The following INTS9 variants were observed in gnomAD, a reference collection of about 807,000 sequenced individuals.
INTS9 encodes the protein protein related to CPSF subunits of 74 kDa.
Under a neutral mutation model 79.7 loss-of-function variants are expected in INTS9, and 55 were observed. That is an observed-to-expected ratio of 0.69 (90% CI 0.56 to 0.86). The LOEUF is 0.86. Ranked by LOEUF, INTS9 falls within the 40% of genes least tolerant of loss-of-function variation. The pLI is 0.00. For missense variants in INTS9, 721 were observed against 831.5 expected (o/e 0.87, Z 1.64); for synonymous variants, 319 against 325.2 (o/e 0.98, Z 0.20).
At position 28,781,003 on chromosome 8, in the gene INTS9, T is replaced by C. The variant is rs749661745; in HGVS notation, c.1099-9A>G. 2 of 1,608,488 alleles carry C rather than the reference T, an allele frequency of 1.2e-6. No homozygotes were observed. The highest frequency in any genetic ancestry group is 1.3e-5 in the African/African-American group (1 of 74,572). On this transcript the variant is annotated splice_polypyrimidine_tract_variant and intron_variant, in intron 11 of 16. Coordinates refer to ENST00000521022, the MANE Select transcript of INTS9 (RefSeq NM_018250.4). ...TTATTGGTCTGAATGAGCTGGAAAA[T>C]ATAGAAAAAATACAAAGAAATGTGA...
intron 1 of INTS9, among the ~76,000 whole-genome samples, chr8:28,885,736 G>A (rs1297563945): frequency 6.6e-6 from 1 of 152,046 alleles, no homozygotes; most frequent in South Asian, 2.1e-4. Flanking sequence ...ATGTTCTTTC[G>A]GTAAGGACCT....
intron 6 of INTS9, among the ~76,000 whole-genome samples, chr8:28,827,670 ACAACCC>A (rs1806231401): frequency 6.6e-6 from 1 of 152,216 alleles, no homozygotes; most frequent in Non-Finnish European, 1.5e-5. Flanking sequence ...AAACTAGGTT[ACAACCC>A]CTGATGTTTA....
In INTS9 at chr8:28,777,896, C is replaced by G. The variant is rs1177808909; in HGVS notation, c.1328G>C (p.Cys443Ser). The change falls in exon 13 of 17, where the codon TGC becomes TCC. Residue 443 changes from cysteine to serine, a missense_variant. This residue lies in a region of INTS9 where 281 missense variants were observed against 300.8 expected (regional missense o/e 0.93). Coordinates refer to ENST00000521022, the MANE Select transcript of INTS9 (RefSeq NM_018250.4). ...CCGGGTGTCGATGGGGCAGTAGATG[C>G]ATTTCATGGCCAGCGGCTGGTAAGG... Reference protein sequence around the residue: ...LAPYQPLAMKCIYCPIDTRLN... With the variant: ...LAPYQPLAMKSIYCPIDTRLN... The G allele has an allele frequency of 1.2e-6, 2 of 1,612,758 alleles. No homozygotes were observed. The highest frequency in any genetic ancestry group is 1.7e-6 in the Non-Finnish European group (2 of 1,179,388).
chr8:28,791,678 G>T (rs573100015), intron 10 of INTS9, among the ~76,000 whole-genome samples: 1 of 152,284 alleles, frequency 6.6e-6, no homozygotes, highest in East Asian at 1.9e-4. Flanking sequence ...AGTGGTAAGA[G>T]GTTTACACAG....
chr8:28,856,442 GTCTC>G (rs142538325), intron 2 of INTS9, among the ~76,000 whole-genome samples: 5 of 150,898 alleles, frequency 3.3e-5, no homozygotes, highest in Admixed American at 6.6e-5. Context: ...TTGAGACACG[GTCTC>G]TCTCTCTCTC....
At chr8:28,820,560 C>G (rs1444316211) in intron 6 of INTS9, among the ~76,000 whole-genome samples, 1 of 152,170 alleles carries the variant, frequency 6.6e-6, no homozygotes, top group Non-Finnish European at 1.5e-5. Flanking sequence ...TTTGGCTGCC[C>G]TTAACATTTT....
chr8:28,795,583 T>C (rs969231073), intron 9 of INTS9, among the ~76,000 whole-genome samples: 1 of 137,688 alleles, frequency 7.3e-6, no homozygotes, highest in Non-Finnish European at 1.5e-5. Flanking sequence ...GAGGTTGCAG[T>C]GAGCCAAGAT....
intron 6 of INTS9, among the ~76,000 whole-genome samples, chr8:28,828,474 T>C (rs1422423523): frequency 1.3e-5 from 2 of 152,200 alleles, no homozygotes; most frequent in South Asian, 4.1e-4. Flanking sequence ...TCCTATTAAG[T>C]TGTTAATATC....
At chr8:28,832,916 T>C (rs755329580) in intron 6 of INTS9, among the ~76,000 whole-genome samples, 2 of 151,734 alleles carry the variant, frequency 1.3e-5, no homozygotes, top group African/African-American at 4.8e-5. Flanking sequence ...TGAGCCGAAA[T>C]TGCACCACTG....
intron 2 of INTS9, 52 bp downstream of exon 2, chr8:28,859,384 A>G: frequency 1.2e-6 from 2 of 1,600,602 alleles, no homozygotes; most frequent in South Asian, 2.3e-5. Flanking sequence ...TAATGGTACC[A>G]TTTTTCAGCA....
chr8:28,815,766 G>T (rs906311134), intron 6 of INTS9, among the ~76,000 whole-genome samples: 1 of 152,050 alleles, frequency 6.6e-6, no homozygotes, highest in Admixed American at 6.6e-5. Context: ...CCACATAAGG[G>T]AATCTTATGT....
chr8:28,819,523 T>C (rs1015818681), intron 6 of INTS9, among the ~76,000 whole-genome samples: 3 of 152,246 alleles, frequency 2.0e-5, no homozygotes, highest in Non-Finnish European at 2.9e-5. Context: ...AGAGACAGTT[T>C]GTTATAATTT....
chr8:28,885,352 T>C (rs1356716510), intron 1 of INTS9, among the ~76,000 whole-genome samples: 1 of 152,228 alleles, frequency 6.6e-6, no homozygotes, highest in Non-Finnish European at 1.5e-5. Flanking sequence ...CAGAGCGCCA[T>C]GGATTCTGAG....
At position 28,771,162 on chromosome 8, in the gene INTS9, C is replaced by A. The variant is rs750160477; in HGVS notation, c.1564-82G>T. On this transcript the variant is annotated intron_variant, in intron 14 of 16. Transcript: ENST00000521022. Reference sequence around the variant, plus strand: ...CCTTTAATCTGTATTTACATCACTGCAGTCTAAAAAGATGAAATAACTTTA... The same window carrying A: ...CCTTTAATCTGTATTTACATCACTGAAGTCTAAAAAGATGAAATAACTTTA... 5.0e-6 allele frequency: 5 copies of A among 1,007,940 alleles called. No individual in the cohort carries two copies. The African/African-American group carries it at 6.4e-5, about 13-fold the overall frequency. The allele number at this position is 1,007,940 out of a possible 1,614,324, so 62.4% of individuals were successfully genotyped here. A position where few individuals can be genotyped will look rare whatever the true frequency, so the allele number is the denominator to read the frequency against.
intron 6 of INTS9, among the ~76,000 whole-genome samples, chr8:28,820,455 A>T (rs1805766410): frequency 6.6e-6 from 1 of 152,194 alleles, no homozygotes; most frequent in Admixed American, 6.6e-5. Flanking sequence ...AATGTTGAAT[A>T]TTGGCCCCCA....
chr8:28,777,245 C>G (rs1168376031), intron 13 of INTS9, among the ~76,000 whole-genome samples: 5 of 152,140 alleles, frequency 3.3e-5, no homozygotes, highest in Admixed American at 2.0e-4. Flanking sequence ...CTTGCCAATT[C>G]CAGTTCCTCT....
intron 8 of INTS9, among the ~76,000 whole-genome samples, chr8:28,802,156 T>G (rs1804562493): frequency 6.6e-6 from 1 of 152,204 alleles, no homozygotes; most frequent in South Asian, 2.1e-4. Flanking sequence ...TTTATTTCAT[T>G]TCTTAAACAA....
At chr8:28,808,981 GCT>G (rs1483683151) in intron 8 of INTS9, among the ~76,000 whole-genome samples, 2 of 149,256 alleles carry the variant, frequency 1.3e-5, no homozygotes, top group African/African-American at 4.9e-5. Flanking sequence ...ACAGGGTCTT[GCT>G]CTGTTGCCCA....
At chr8:28,783,937 G>A (rs919166957) in intron 11 of INTS9, 4 of 152,204 alleles carry the variant, frequency 2.6e-5, no homozygotes, top group African/African-American at 9.7e-5. Flanking sequence ...TCACTTTTAA[G>A]CATTATCTAT....
Sources: allele counts gnomAD v4.1 joint callset (sites outside exome capture counted in the v4.1 genomes callset), GRCh38; gene constraint gnomAD v4.1.1; regional missense constraint gnomAD v4.1.1; transcripts MANE v1.5; gene names NCBI Gene and HGNC (gene_info 2026-07-23, HGNC 2026-07-21).